The following TMEM252 variants were observed in gnomAD, a reference collection of about 807,000 sequenced individuals.
TMEM252 encodes transmembrane protein 252.
TMEM252 carries 4 observed loss-of-function variants against 6.4 expected under a neutral mutation model. The observed-to-expected ratio is 0.62, with a 90% CI of 0.31 to 1.43. The LOEUF (loss-of-function observed/expected upper bound fraction) is 1.43, where lower values mean the gene tolerates loss of function less well. Ranked by LOEUF, TMEM252 falls within the 40% of genes most tolerant of loss-of-function variation. The pLI, the probability that TMEM252 is intolerant of heterozygous loss-of-function variation, is 0.07. For synonymous variants in TMEM252, 85 were observed against 82.5 expected (o/e 1.03, Z -0.17); for missense variants, 207 against 209.4 (o/e 0.99, Z 0.07).
chr9:68,537,197 T>G lies in TMEM252; in HGVS notation c.*62A>C. 1 of 1,462,858 alleles carries G rather than the reference T, an allele frequency of 6.8e-7. No homozygotes were observed. Among genetic ancestry groups the G allele is most frequent in the Non-Finnish European group, 9.4e-7 (1 of 1,069,414 alleles). The allele number at this position is 1,462,858 out of a possible 1,614,324, so 90.6% of individuals were successfully genotyped here. A position where few individuals can be genotyped will look rare whatever the true frequency, so the allele number is the denominator to read the frequency against. On this transcript the variant is annotated 3_prime_UTR_variant, in exon 2 of 2. Coordinates refer to ENST00000377311, the MANE Select transcript of TMEM252 (RefSeq NM_153237.2). ...TCCTCCCACAGTCCCTCGTTTGCCT[T>G]TATTATCAGTAGCTGCTCCCCACAG...
intron 1 of TMEM252, 52 bp from the exon 2 acceptor site, chr9:68,537,545 A>T: frequency 7.0e-7 from 1 of 1,438,498 alleles, no homozygotes; most frequent in Non-Finnish European, 9.5e-7. Context: ...CATTAATGCC[A>T]AAGAGGCAGA....
At chr9:68,539,698 A>C (rs1010131623) in intron 1 of TMEM252, among the ~76,000 whole-genome samples, 15 of 152,236 alleles carry the variant, frequency 9.9e-5, no homozygotes, top group African/African-American at 3.6e-4. Flanking sequence ...GTTGATGGAC[A>C]TTTGGGCTAT....
In TMEM252 at chr9:68,537,442, C is replaced by A. The variant is rs1351704964; in HGVS notation, c.330G>T (p.Gln110His). 6 of 1,604,178 alleles carry A rather than the reference C, an allele frequency of 3.7e-6. No homozygotes were observed. The highest frequency in any genetic ancestry group is 5.1e-6 in the Non-Finnish European group (6 of 1,177,388). ...AGGCCTCTCTCTCTGCAGGACAGCT[C>A]TGCTTTTCCACCTCAAGGCTCTCTT... ...AYEESLEVEK[Q>H]SCPAEREASG... Residue 110 changes from glutamine (Q) to histidine (H), a missense_variant, in exon 2 of 2, where the codon CAG becomes CAT. Transcript: ENST00000377311.
Position 68,537,278 on chromosome 9 carries a change from C to T in TMEM252, c.494G>A (p.Arg165Lys). 6.2e-7 allele frequency: 1 copy of T among 1,603,706 alleles called. No homozygotes were observed. Among genetic ancestry groups the T allele is most frequent in the African/African-American group, 1.3e-5 (1 of 74,192 alleles). Reference protein sequence around the residue: ...VVTAISEDAQRRGQEC With the variant: ...VVTAISEDAQKRGQEC Reference sequence around the variant, plus strand: ...TCTGCCTCAGCACTCTTGGCCTCGCCTCTGGGCGTCCTCTGAGATTGCTGT... The same window carrying T: ...TCTGCCTCAGCACTCTTGGCCTCGCTTCTGGGCGTCCTCTGAGATTGCTGT... Residue 165 changes from arginine (R) to lysine (K), a missense_variant, in exon 2 of 2, where the codon AGG becomes AAG. Transcript: ENST00000377311.
intron 1 of TMEM252, among the ~76,000 whole-genome samples, chr9:68,538,616 C>G (rs1305577796): frequency 6.6e-6 from 1 of 152,196 alleles, no homozygotes; most frequent in African/African-American, 2.4e-5. Context: ...CATCCATATT[C>G]CCAGTCCCCT....
At position 68,537,032 on chromosome 9, in the gene TMEM252, G is replaced by C. The variant is rs265075; in HGVS notation, c.*227C>G. 1 allele frequency: 485,944 copies of C among 486,054 alleles called. 242,917 individuals carry two copies. The highest frequency in any genetic ancestry group is 1 in the Middle Eastern group (1,886 of 1,886). The allele number at this position is 486,054 out of a possible 1,614,324, so 30.1% of individuals were successfully genotyped here. A position where few individuals can be genotyped will look rare whatever the true frequency, so the allele number is the denominator to read the frequency against. ...AGCCGGGGTTAAGATTAGTGTGAAT[G>C]CTCTGAAATGTCTGCTTGGTGTTGG... is the stretch of plus-strand genomic sequence containing the variant. On this transcript the variant is annotated 3_prime_UTR_variant, in exon 2 of 2. Coordinates refer to ENST00000377311, the MANE Select transcript of TMEM252 (RefSeq NM_153237.2).
At chr9:68,537,761 T>C (rs558320810) in intron 1 of TMEM252, among the ~76,000 whole-genome samples, 29 of 152,352 alleles carry the variant, frequency 1.9e-4, no homozygotes, top group South Asian at 1.7e-3. Flanking sequence ...TCTCTATTGC[T>C]CATTCACTCA....
rs141633262 is a variant in TMEM252 at position 68,537,285 on chromosome 9, C to T, written c.487G>A (p.Ala163Thr). The T allele has an allele frequency of 4.4e-4, 708 of 1,602,366 alleles. 1 individual carries two copies. Among genetic ancestry groups the T allele is most frequent in the Middle Eastern group, 4.2e-3 (25 of 6,002 alleles). ...CAGCACTCTTGGCCTCGCCTCTGGG[C>T]GTCCTCTGAGATTGCTGTCACCACC... ...GLVVTAISED[A>T]QRRGQEC The change falls in exon 2 of 2, where the codon GCC becomes ACC. Residue 163 changes from alanine to threonine, a missense_variant. Coordinates refer to ENST00000377311, the MANE Select transcript of TMEM252 (RefSeq NM_153237.2).
chr9:68,538,723 C>A (rs1207414819), intron 1 of TMEM252, among the ~76,000 whole-genome samples: 1 of 152,222 alleles, frequency 6.6e-6, no homozygotes, highest in Non-Finnish European at 1.5e-5. Context: ...CCCAGGCTGA[C>A]TTGCCAGCCA....
At chr9:68,539,593 T>C (rs1045504234) in intron 1 of TMEM252, among the ~76,000 whole-genome samples, 8 of 152,276 alleles carry the variant, frequency 5.3e-5, no homozygotes, top group African/African-American at 1.9e-4. Flanking sequence ...TGTTTTCAAC[T>C]TCATCCAAGT....
At chr9:68,537,559 C>T in intron 1 of TMEM252, 66 bp from the exon 2 acceptor site, 1 of 1,280,406 alleles carries the variant, frequency 7.8e-7, no homozygotes, top group East Asian at 2.5e-5. Flanking sequence ...AGGCAGACGG[C>T]TGCCTCTCTC....
rs947763530 is a variant in TMEM252 at position 68,537,084 on chromosome 9, G to T, written c.*175C>A. On this transcript the variant is annotated 3_prime_UTR_variant, in exon 2 of 2. Coordinates refer to ENST00000377311, the MANE Select transcript of TMEM252 (RefSeq NM_153237.2). ...CACACCCTTCCAGGGCCCCTGGCCTGCCCTGCCCTGGCATGGCCAGTTATG... is the reference window on the plus strand; with the variant it reads ...CACACCCTTCCAGGGCCCCTGGCCTTCCCTGCCCTGGCATGGCCAGTTATG... 6 of 590,794 alleles carry T rather than the reference G, an allele frequency of 1.0e-5. No homozygotes were observed. The highest frequency in any genetic ancestry group is 1.7e-5 in the Non-Finnish European group (6 of 347,466). 36.6% of individuals were successfully genotyped at this position (590,794 alleles called of 1,614,324 possible). A position where few individuals can be genotyped will look rare whatever the true frequency, so the allele number is the denominator to read the frequency against.
chr9:68,540,736 A>G lies in TMEM252; in HGVS notation c.79T>C (p.Phe27Leu). The G allele has an allele frequency of 6.2e-7, 1 of 1,614,174 alleles. No individual in the cohort carries two copies. The highest frequency in any genetic ancestry group is 8.5e-7 in the Non-Finnish European group (1 of 1,180,030). ...GFLMVCLGAF[F>L]ISWGSIFDCQ... is the part of the protein sequence containing the mutation. ...TCGAATATGGAGCCCCAGGAAATGAAGAAGGCCCCCAGGCAGACCATCAGG... is the reference window on the plus strand; with the variant it reads ...TCGAATATGGAGCCCCAGGAAATGAGGAAGGCCCCCAGGCAGACCATCAGG... The change falls in exon 1 of 2, where the codon TTC (phenylalanine) becomes CTC (leucine). Residue 27 changes from phenylalanine to leucine, a missense_variant. Phe to Leu is a conservative substitution (Grantham distance 22). Coordinates refer to ENST00000377311, the MANE Select transcript of TMEM252 (RefSeq NM_153237.2).
chr9:68,539,851 C>G (rs1199923975), intron 1 of TMEM252, among the ~76,000 whole-genome samples: 1 of 152,244 alleles, frequency 6.6e-6, no homozygotes, highest in East Asian at 1.9e-4. Flanking sequence ...AGTCTCCACA[C>G]TGTTTTCCAC....
chr9:68,540,570 G>A lies in TMEM252; in HGVS notation c.245C>T (p.Ala82Val). ...TGTGGCCACGGGCAGGGCCCCATGA[G>A]CAAGGTGTTGTCGGAGCATGTGCCT... ...VLRHMLRQHL[A>V]HGALPVATVD... Residue 82 changes from alanine (A) to valine (V), a missense_variant, in exon 1 of 2, where the codon GCT becomes GTT. Transcript: ENST00000377311. 1.2e-6 allele frequency: 2 copies of A among 1,614,188 alleles called. No individual in the cohort carries two copies. The highest frequency in any genetic ancestry group is 1.7e-6 in the Non-Finnish European group (2 of 1,180,020).
intron 1 of TMEM252, among the ~76,000 whole-genome samples, chr9:68,537,902 C>T (rs1336962078): frequency 6.6e-6 from 1 of 152,142 alleles, no homozygotes; most frequent in African/African-American, 2.4e-5. Flanking sequence ...TGGCATCATC[C>T]CCTCAATTGC....
intron 1 of TMEM252, among the ~76,000 whole-genome samples, chr9:68,539,689 T>G (rs1022890129): frequency 3.3e-5 from 5 of 152,250 alleles, no homozygotes; most frequent in African/African-American, 1.2e-4. Flanking sequence ...TACTCACCTG[T>G]TGATGGACAT....
At chr9:68,537,523 G>A in intron 1 of TMEM252, 30 bp from the exon 2 acceptor site, 1 of 1,562,560 alleles carries the variant, frequency 6.4e-7, no homozygotes, top group South Asian at 1.2e-5. Flanking sequence ...AAACATGCGT[G>A]CGTTATTTAG....
rs766560416 is a variant in TMEM252, at chr9:68,540,637, A to G, written c.178T>C (p.Trp60Arg). Reference protein sequence around the residue: ...GFVILLSGIFWSNYRQVTESK... With the variant: ...GFVILLSGIFRSNYRQVTESK... ...TCAGTCACCTGGCGATAGTTGCTCC[A>G]GAAAATTCCACTCAGAAGGATCACA... Residue 60 changes from tryptophan to arginine, a missense_variant, in exon 1 of 2, where the codon TGG (tryptophan) becomes CGG (arginine). Trp to Arg is a moderately radical substitution (Grantham distance 101). Coordinates refer to ENST00000377311, the MANE Select transcript of TMEM252 (RefSeq NM_153237.2). The G allele has an allele frequency of 1.2e-5, 19 of 1,614,082 alleles. No individual in the cohort carries two copies. Among genetic ancestry groups the G allele is most frequent in the Non-Finnish European group, 1.4e-5 (17 of 1,180,030 alleles).
Sources: allele counts gnomAD v4.1 joint callset (sites outside exome capture counted in the v4.1 genomes callset), GRCh38; gene constraint gnomAD v4.1.1; transcripts MANE v1.5; gene names NCBI Gene and HGNC (gene_info 2026-07-23, HGNC 2026-07-21).